Variants in PXDNL observed in about 807,000 individuals in gnomAD.
The protein encoded by PXDNL is probable oxidoreductase PXDNL.
PXDNL carries 145 observed loss-of-function variants against 150.8 expected under a neutral mutation model. The observed-to-expected ratio is 0.96, with a 90% CI of 0.84 to 1.10. PXDNL has a LOEUF of 1.10. PXDNL is among the 50% of genes least tolerant of loss of function. The pLI is 0.00. For synonymous variants in PXDNL, 757 were observed against 725.7 expected (o/e 1.04, Z -0.69); for missense variants, 2,087 against 1,873.9 (o/e 1.11, Z -2.10).
At chr8:51,427,843 T>G (rs1270866428) in intron 12 of PXDNL, among the ~76,000 whole-genome samples, 1 of 152,182 alleles carries the variant, frequency 6.6e-6, no homozygotes, top group Non-Finnish European at 1.5e-5. Context: ...TTCTCTCTAG[T>G]CTTATTCAAC....
rs1187526997 is a variant in PXDNL, at chr8:51,499,734, T to TAGA, written c.416_417insTCT (p.Pro139_Glu140insLeu). On this transcript the variant is annotated inframe_insertion, in exon 5 of 23. Coordinates refer to ENST00000356297, the MANE Select transcript of PXDNL (RefSeq NM_144651.5). ...ATCTCAGAAGGTCTCCAAAGGTCTC[T>TAGA]GGCTGTAGCATTTCTAGTTGGTTGA... The TAGA allele has an allele frequency of 2.5e-6, 4 of 1,613,596 alleles. No homozygotes were observed. In the South Asian group the frequency reaches 3.3e-5, roughly 13 times the overall value.
chr8:51,581,659 G>T (rs1813215745), intron 3 of PXDNL, among the ~76,000 whole-genome samples: 1 of 152,026 alleles, frequency 6.6e-6, no homozygotes, highest in East Asian at 1.9e-4. Flanking sequence ...TGTTCATCAG[G>T]GATACTGGCT....
At chr8:51,666,675 T>C (rs1463446493) in intron 1 of PXDNL, among the ~76,000 whole-genome samples, 3 of 152,090 alleles carry the variant, frequency 2.0e-5, no homozygotes, top group African/African-American at 7.2e-5. Context: ...ATCAGAGTCC[T>C]AGGAGCCACC....
intron 1 of PXDNL, among the ~76,000 whole-genome samples, chr8:51,696,248 G>A (rs1026793664): frequency 8.5e-5 from 13 of 152,160 alleles, no homozygotes; most frequent in Non-Finnish European, 1.3e-4. Context: ...CCTTCAGGGA[G>A]GTAATTAAGG....
chr8:51,709,313 G>C (rs2130895975), intron 1 of PXDNL, among the ~76,000 whole-genome samples: 1 of 151,608 alleles, frequency 6.6e-6, no homozygotes, highest in African/African-American at 2.4e-5. Flanking sequence ...GGAGTGCAAT[G>C]GTGCAATCTT....
intron 1 of PXDNL, among the ~76,000 whole-genome samples, chr8:51,723,791 G>T (rs996161250): frequency 1.3e-5 from 2 of 152,162 alleles, no homozygotes; most frequent in Non-Finnish European, 2.9e-5. Flanking sequence ...TAGGCAGGGA[G>T]GGGGCGCGGT....
chr8:51,753,017 C>T (rs944169393), intron 1 of PXDNL, among the ~76,000 whole-genome samples: 29 of 152,240 alleles, frequency 1.9e-4, no homozygotes, highest in Non-Finnish European at 1.8e-4. Flanking sequence ...CATGCGGCTG[C>T]CTCCAGCCGG....
intron 17 of PXDNL, among the ~76,000 whole-genome samples, chr8:51,402,919 A>G (rs1394091795): frequency 6.6e-6 from 1 of 151,288 alleles, no homozygotes; most frequent in African/African-American, 2.4e-5. Context: ...ACACACACAC[A>G]CACACACACA....
chr8:51,534,217 C>T (rs1377013855), intron 4 of PXDNL, among the ~76,000 whole-genome samples: 1 of 137,756 alleles, frequency 7.3e-6, no homozygotes, highest in Non-Finnish European at 1.5e-5. Flanking sequence ...CCGGCCGCCC[C>T]GTCTGAGAAG....
chr8:51,405,641 A>T (rs1808415401), intron 17 of PXDNL, among the ~76,000 whole-genome samples: 6 of 152,256 alleles, frequency 3.9e-5, no homozygotes, highest in African/African-American at 1.4e-4. Context: ...ATTGCAATCT[A>T]CATATTTGAG....
At chr8:51,565,350 A>G (rs1448298727) in intron 3 of PXDNL, among the ~76,000 whole-genome samples, 4 of 151,552 alleles carry the variant, frequency 2.6e-5, no homozygotes, top group Non-Finnish European at 5.9e-5. Context: ...AGATAAATAA[A>G]TAAATACAGT....
intron 1 of PXDNL, among the ~76,000 whole-genome samples, chr8:51,733,812 A>AATATATATATATATATATATATATAT (rs9298461): frequency 7.2e-4 from 99 of 138,354 alleles, no homozygotes; most frequent in African/African-American, 2.5e-3. Flanking sequence ...TGTCTCAAAT[A>AATATATATATATATATATATATATAT]ATATATATAT....
At chr8:51,670,652 AT>A (rs1815480582) in intron 1 of PXDNL, among the ~76,000 whole-genome samples, 3 of 152,188 alleles carry the variant, frequency 2.0e-5, no homozygotes, top group Admixed American at 1.3e-4. Context: ...TGTATCTCCA[AT>A]TTTTTATTTA....
chr8:51,744,403 C>T (rs1387495163), intron 1 of PXDNL, among the ~76,000 whole-genome samples: 1 of 150,354 alleles, frequency 6.7e-6, no homozygotes, highest in East Asian at 2.0e-4. Context: ...CACGGTGGCT[C>T]ACACCTGTAA....
intron 5 of PXDNL, among the ~76,000 whole-genome samples, chr8:51,493,251 G>A (rs867799507): frequency 6.6e-6 from 1 of 151,402 alleles, no homozygotes; most frequent in South Asian, 2.1e-4. Flanking sequence ...CTAACAAACA[G>A]AAAGGACATC....
At chr8:51,365,388 A>C (rs551624027) in intron 19 of PXDNL, among the ~76,000 whole-genome samples, 1 of 152,340 alleles carries the variant, frequency 6.6e-6, no homozygotes, top group African/African-American at 2.4e-5. Context: ...GGTATTACAG[A>C]GATTCAGTTG....
At chr8:51,784,889 A>T (rs2037446557) in intron 1 of PXDNL, among the ~76,000 whole-genome samples, 1 of 152,230 alleles carries the variant, frequency 6.6e-6, no homozygotes, top group Non-Finnish European at 1.5e-5. Flanking sequence ...TAGCAGGAAA[A>T]ATTATATTTC....
chr8:51,535,783 C>G (rs7017209), intron 4 of PXDNL, among the ~76,000 whole-genome samples: 11,958 of 151,964 alleles, frequency 0.079, 775 homozygotes, highest in East Asian at 0.23. Context: ...CTCTTTTCTT[C>G]TTTCTTTTTC....
chr8:51,552,146 G>A (rs1343053391), intron 4 of PXDNL, among the ~76,000 whole-genome samples: 4 of 152,136 alleles, frequency 2.6e-5, no homozygotes, highest in African/African-American at 9.7e-5. Context: ...ACTCCTGCAA[G>A]AACGGCCATA....
Sources: gnomAD v4.1 joint callset for allele counts (sites outside exome capture counted in the v4.1 genomes callset) on GRCh38, gnomAD v4.1.1 for gene constraint, MANE v1.5 for transcripts, NCBI Gene and HGNC (gene_info 2026-07-23, HGNC 2026-07-21) for gene names.